Variants in FIGN observed in about 807,000 individuals in gnomAD.
The protein encoded by FIGN is fidgetin.
Under a neutral mutation model 51.3 loss-of-function variants are expected in FIGN, and 11 were observed. The observed-to-expected ratio is 0.21, with a 90% CI of 0.13 to 0.35. The LOEUF (loss-of-function observed/expected upper bound fraction) is 0.35, where lower values mean the gene tolerates loss of function less well. Among genes scored for constraint, FIGN ranks in the 10% least tolerant of loss-of-function variants. The pLI, the probability that FIGN is intolerant of heterozygous loss-of-function variation, is 1.00. For synonymous variants in FIGN, 407 were observed against 363.2 expected, an observed-to-expected ratio of 1.12 and a Z score of -1.37; for missense variants, 857 against 943.6, an observed-to-expected ratio of 0.91 and a Z score of 1.20.
intron 2 of FIGN, among the ~76,000 whole-genome samples, chr2:163,734,197 T>C (rs1684976088): frequency 6.6e-6 from 1 of 151,956 alleles, no homozygotes; most frequent in South Asian, 2.1e-4. Flanking sequence ...TGTCACAAGT[T>C]AAAAGTAAAA....
At chr2:163,658,113 T>C (rs1289037930) in intron 2 of FIGN, among the ~76,000 whole-genome samples, 1 of 152,156 alleles carries the variant, frequency 6.6e-6, no homozygotes, top group African/African-American at 2.4e-5. Context: ...GAGGAATAAG[T>C]TGTTGTCTGC....
chr2:163,700,480 G>C (rs1020992183), intron 2 of FIGN, among the ~76,000 whole-genome samples: 3 of 152,134 alleles, frequency 2.0e-5, no homozygotes, highest in Admixed American at 2.0e-4. Context: ...TGAGAACTCA[G>C]AAGGGTCTGG....
At chr2:163,659,942 A>T (rs960099507) in intron 2 of FIGN, among the ~76,000 whole-genome samples, 1 of 152,008 alleles carries the variant, frequency 6.6e-6, no homozygotes, top group Admixed American at 6.6e-5. Flanking sequence ...ATCTCTACTG[A>T]AATAAAAAAA....
At position 163,621,211 on chromosome 2, in the gene FIGN, A is replaced by G. The variant is rs140720185; in HGVS notation, c.26-9405T>C. 4.0e-3 allele frequency among the ~76,000 whole-genome samples: 603 copies of G among 152,194 alleles called. 2 individuals carry two copies. The highest frequency in any genetic ancestry group is 0.014 in the African/African-American group (568 of 41,522). The stretch of plus-strand genomic sequence containing the variant: ...AACTGTTCAACCATTCTCCTTAAAA[A>G]CTTTGCTTTAGGTGACTCTAAAGTA... On this transcript the variant is annotated intron_variant, in intron 2 of 2. Coordinates refer to ENST00000333129, the MANE Select transcript of FIGN (RefSeq NM_018086.4).
chr2:163,614,969 G>A (rs1422190727), intron 2 of FIGN, among the ~76,000 whole-genome samples: 1 of 152,048 alleles, frequency 6.6e-6, no homozygotes, highest in East Asian at 1.9e-4. Context: ...TTTAAATAGA[G>A]TGTCCATTTC....
Position 163,609,672 on chromosome 2 carries a change from C to A in FIGN, c.2160G>T (p.Gln720His), listed in dbSNP as rs749259145. The A allele has an allele frequency of 1.2e-6, 2 of 1,614,138 alleles. No homozygotes were observed. Among genetic ancestry groups the A allele is most frequent in the East Asian group, 4.5e-5 (2 of 44,860 alleles). ...ATDLSAIMPS[Q>H]LRPVTYQDFE... is the part of the protein sequence containing the mutation. ...AGTCTTGATATGTAACGGGCCTCAA[C>A]TGGCTGGGCATAATGGCTGAAAGGT... The change falls in exon 3 of 3, where the codon CAG becomes CAT. Residue 720 changes from glutamine to histidine, a missense_variant. By Grantham distance (24) the Gln-to-His change is conservative. Transcript: ENST00000333129.
intron 2 of FIGN, among the ~76,000 whole-genome samples, chr2:163,669,032 A>G (rs1404338815): frequency 6.7e-6 from 1 of 148,638 alleles, no homozygotes. Context: ...ATATATATAT[A>G]TATACACTAT....
intron 2 of FIGN, among the ~76,000 whole-genome samples, chr2:163,682,456 CAA>C (rs1425171717): frequency 6.6e-6 from 1 of 152,098 alleles, no homozygotes; most frequent in East Asian, 1.9e-4. Flanking sequence ...GAGTACGTGG[CAA>C]AAGTCATGCA....
At chr2:163,632,498 C>T (rs1181735535) in intron 2 of FIGN, among the ~76,000 whole-genome samples, 1 of 152,218 alleles carries the variant, frequency 6.6e-6, no homozygotes, top group Non-Finnish European at 1.5e-5. Flanking sequence ...TCTAGGAGTA[C>T]ATACATTGAG....
chr2:163,690,858 TG>T (rs1684229566), intron 2 of FIGN, among the ~76,000 whole-genome samples: 1 of 151,928 alleles, frequency 6.6e-6, no homozygotes, highest in Non-Finnish European at 1.5e-5. Context: ...TGTGTTGGGG[TG>T]GGGGGCATTC....
chr2:163,677,925 G>A (rs1051150591), intron 2 of FIGN, among the ~76,000 whole-genome samples: 13 of 152,180 alleles, frequency 8.5e-5, no homozygotes, highest in African/African-American at 3.1e-4. Context: ...ACGCAATGGG[G>A]TTGTGTGGAA....
In FIGN at chr2:163,660,679, ATATATACACATATACATATATATG is replaced by A. The variant is rs1246956776; in HGVS notation, c.26-48897_26-48874del. 1.1e-3 allele frequency among the ~76,000 whole-genome samples: 142 copies of A among 131,484 alleles called. 11 individuals are homozygous for A. Among genetic ancestry groups the A allele is most frequent in the South Asian group, 2.1e-3 (9 of 4,266 alleles). 86.3% of individuals were successfully genotyped at this position (131,484 alleles called of 152,430 possible). ...ACTATATATACATATACATATATAT[ATATATACACATATACATATATATG>A]TATACACATATACATATATATGTAT... On this transcript the variant is annotated intron_variant, in intron 2 of 2. Transcript: ENST00000333129.
intron 2 of FIGN, among the ~76,000 whole-genome samples, chr2:163,616,256 A>G (rs1682875656): frequency 6.6e-6 from 1 of 152,224 alleles, no homozygotes; most frequent in Non-Finnish European, 1.5e-5. Flanking sequence ...AAGTTCTGCC[A>G]CAGCTATAAA....
In FIGN at chr2:163,666,959, G is replaced by GTA. The variant is rs758626977; in HGVS notation, c.26-55155_26-55154dup. Among the ~76,000 whole-genome samples the GTA allele has an allele frequency of 4.7e-3, 714 of 150,412 alleles. 7 individuals are homozygous for GTA. Among genetic ancestry groups the GTA allele is most frequent in the African/African-American group, 0.015 (618 of 41,018 alleles). On this transcript the variant is annotated intron_variant, in intron 2 of 2. Coordinates refer to ENST00000333129, the MANE Select transcript of FIGN (RefSeq NM_018086.4). ...GCTATATATTTATGTGTGTGTATGT[G>GTA]TATATATATATATGTATAAAAATGT...
At chr2:163,625,421 T>G (rs577975679) in intron 2 of FIGN, among the ~76,000 whole-genome samples, 4 of 152,040 alleles carry the variant, frequency 2.6e-5, no homozygotes, top group Non-Finnish European at 5.9e-5. Flanking sequence ...GTGAATATCA[T>G]TTTCCTCCCT....
intron 2 of FIGN, among the ~76,000 whole-genome samples, chr2:163,659,845 G>A (rs1317499674): frequency 6.6e-6 from 1 of 152,166 alleles, no homozygotes; most frequent in Non-Finnish European, 1.5e-5. Context: ...GCTTATGCCT[G>A]TAATCTCAGC....
At chr2:163,652,141 G>A (rs573065348) in intron 2 of FIGN, among the ~76,000 whole-genome samples, 374 of 151,934 alleles carry the variant, frequency 2.5e-3, no homozygotes, top group Non-Finnish European at 3.3e-3. Context: ...CATAGCTCGG[G>A]GTCCTTTACA....
chr2:163,658,211 A>G (rs886930456), intron 2 of FIGN, among the ~76,000 whole-genome samples: 2 of 152,040 alleles, frequency 1.3e-5, no homozygotes, highest in Non-Finnish European at 2.9e-5. Flanking sequence ...CTCTTTACAC[A>G]TCTCACAGGC....
intron 2 of FIGN, among the ~76,000 whole-genome samples, chr2:163,626,343 C>A (rs1683053628): frequency 6.6e-6 from 1 of 152,080 alleles, no homozygotes; most frequent in Non-Finnish European, 1.5e-5. Flanking sequence ...TTAAGTTACT[C>A]ACAGCTAGAC....
Sources: allele counts gnomAD v4.1 joint callset (sites outside exome capture counted in the v4.1 genomes callset), GRCh38; gene constraint gnomAD v4.1.1; transcripts MANE v1.5; gene names NCBI Gene and HGNC (gene_info 2026-07-23, HGNC 2026-07-21).